Variants in SH2B2 observed in about 807,000 individuals in gnomAD.
SH2B2 encodes SH2B adaptor protein 2, also known as SH2B adapter protein 2.
SH2B2 carries 37 observed loss-of-function variants against 35.7 expected under a neutral mutation model. The observed-to-expected ratio is 1.04, with a 90% CI of 0.80 to 1.36. SH2B2 has a LOEUF of 1.36. SH2B2 is among the 40% of genes most tolerant of loss of function. SH2B2 has a pLI of 0.00. For missense variants in SH2B2, 852 were observed against 817.7 expected, an observed-to-expected ratio of 1.04 and a Z score of -0.51; for synonymous variants, 383 against 376.4, an observed-to-expected ratio of 1.02 and a Z score of -0.20.
chr7:102,317,544 A>G lies in SH2B2; in HGVS notation c.1395+149A>G, dbSNP rs138267017. 3.9e-3 allele frequency: 2,598 copies of G among 672,660 alleles called. 56 individuals are homozygous for G. In the African/African-American group the frequency reaches 0.043, roughly 11 times the overall value. The allele number at this position is 672,660 out of a possible 1,614,324, so 41.7% of individuals were successfully genotyped here. On this transcript the variant is annotated intron_variant, in intron 7 of 8. Coordinates refer to ENST00000444095, the MANE Select transcript of SH2B2 (RefSeq NM_001359228.2). ...CCCACGGGCCCCACTCACCCCAGCCATGCTCCGTGAGCCACCTGCGTCCCT... is the reference window on the plus strand; with the variant it reads ...CCCACGGGCCCCACTCACCCCAGCCGTGCTCCGTGAGCCACCTGCGTCCCT...
intron 2 of SH2B2, among the ~76,000 whole-genome samples, chr7:102,304,537 C>T (rs1437001226): frequency 2.6e-5 from 4 of 152,248 alleles, no homozygotes; most frequent in Non-Finnish European, 1.5e-5. Flanking sequence ...CACCCTGGAA[C>T]AGCACTTTTG....
intron 1 of SH2B2, among the ~76,000 whole-genome samples, chr7:102,288,004 A>T (rs1190683692): frequency 6.6e-6 from 1 of 152,066 alleles, no homozygotes; most frequent in African/African-American, 2.4e-5. Flanking sequence ...AGCCCTACCA[A>T]TGCCCCCGAG....
chr7:102,314,256 A>G, intron 4 of SH2B2, 80 bp from the exon 5 acceptor site: 1 of 398,428 alleles, frequency 2.5e-6, no homozygotes, highest in Non-Finnish European at 4.4e-6. Context: ...ACTGCCAGCC[A>G]CTGCCTGGCC....
Position 102,320,432 on chromosome 7 carries a change from C to T in SH2B2, c.1497C>T (p.Ile499=), listed in dbSNP as rs781939996. The part of the protein sequence containing the change: ...DMLRHFHTHP[I]PLESGGSADI... ...TCCGCCACTTCCACACACACCCCATCCCACTGGAGTCAGGGGGCTCGGCCG... is the reference window on the plus strand; with the variant it reads ...TCCGCCACTTCCACACACACCCCATTCCACTGGAGTCAGGGGGCTCGGCCG... Residue 499 remains isoleucine, a synonymous_variant, in exon 8 of 9, where the codon ATC becomes ATT. Coordinates refer to ENST00000444095, the MANE Select transcript of SH2B2 (RefSeq NM_001359228.2). 1.7e-5 allele frequency: 28 copies of T among 1,613,790 alleles called. No homozygotes were observed. In the South Asian group the frequency reaches 3.1e-4, roughly 18 times the overall value.
intron 3 of SH2B2, among the ~76,000 whole-genome samples, chr7:102,307,249 G>C (rs917607025): frequency 6.6e-6 from 1 of 152,234 alleles, no homozygotes; most frequent in Admixed American, 6.5e-5. Flanking sequence ...GGCATCAAGG[G>C]GGGGCGGGGA....
At chr7:102,286,835 G>A (rs1271716934), upstream of SH2B2, 5 of 71,804 alleles carry the variant, frequency 7.0e-5, no homozygotes, top group African/African-American at 2.8e-4. Context: ...GCGGGGCGGG[G>A]CCGGGAGGCG....
chr7:102,315,743 A>AG (rs1425346455), intron 6 of SH2B2, among the ~76,000 whole-genome samples: 2 of 108,402 alleles, frequency 1.8e-5, no homozygotes, highest in African/African-American at 7.0e-5. Flanking sequence ...CCCTGTGAAA[A>AG]GAAAAAAAAA....
intron 7 of SH2B2, among the ~76,000 whole-genome samples, chr7:102,317,653 G>T (rs1195918942): frequency 6.6e-6 from 1 of 152,212 alleles, no homozygotes; most frequent in East Asian, 1.9e-4. Context: ...TGGCGGCTGA[G>T]CCCTCAGGAG....
rs1313293113 is a variant in SH2B2, at chr7:102,321,408, G to A, written c.1677G>A (p.Ser559=). 4 of 1,346,610 alleles carry A rather than the reference G, an allele frequency of 3.0e-6. No homozygotes were observed. The highest frequency in any genetic ancestry group is 1.7e-5 in the South Asian group (1 of 60,020). The allele number at this position is 1,346,610 out of a possible 1,614,324, so 83.4% of individuals were successfully genotyped here. ...SLAAAACPPA[S]PSDAAGASSS... ...CCGCGGCCGCCTGCCCGCCTGCCTC[G>A]CCCTCCGACGCCGCCGGCGCCTCCT... The change falls in exon 9 of 9, where the codon TCG becomes TCA. Residue 559 remains serine, a synonymous_variant. Transcript: ENST00000444095.
At chr7:102,306,902 G>A (rs1249077463) in intron 3 of SH2B2, 80 bp downstream of exon 3, 3 of 1,149,938 alleles carry the variant, frequency 2.6e-6, no homozygotes, top group Non-Finnish European at 3.8e-6. Context: ...CTCCCTAGGG[G>A]AGCGAGGGGA....
chr7:102,291,591 C>T (rs926907940), intron 1 of SH2B2, among the ~76,000 whole-genome samples: 8 of 152,104 alleles, frequency 5.3e-5, no homozygotes, highest in African/African-American at 1.7e-4. Context: ...AAGTTAAGAC[C>T]AGAAGCCATG....
At chr7:102,299,120 C>T (rs1482667567) in intron 1 of SH2B2, among the ~76,000 whole-genome samples, 1 of 148,266 alleles carries the variant, frequency 6.7e-6, no homozygotes, top group Non-Finnish European at 1.5e-5. Context: ...AGGATGGTCT[C>T]GATCTCCTGA....
At chr7:102,294,724 C>T (rs1281786305) in intron 1 of SH2B2, among the ~76,000 whole-genome samples, 1 of 152,158 alleles carries the variant, frequency 6.6e-6, no homozygotes, top group Non-Finnish European at 1.5e-5. Context: ...GTCTTGCAGC[C>T]TCCCCTCTAC....
intron 6 of SH2B2, chr7:102,316,954 G>T (rs1461112272): frequency 2.3e-6 from 1 of 427,684 alleles, no homozygotes; most frequent in Non-Finnish European, 4.2e-6. Context: ...GGAAGGCAGA[G>T]GTTACAGTCA....
chr7:102,314,463 T>G (rs933769893), intron 5 of SH2B2, 36 bp downstream of exon 5: 2 of 398,654 alleles, frequency 5.0e-6, no homozygotes, highest in Non-Finnish European at 8.8e-6. Context: ...AGGGGCACAC[T>G]CAGGGTGGAC....
intron 2 of SH2B2, among the ~76,000 whole-genome samples, chr7:102,305,505 A>G (rs2132979024): frequency 6.6e-6 from 1 of 152,234 alleles, no homozygotes; most frequent in Middle Eastern, 3.4e-3. Flanking sequence ...ACCTCAAGTC[A>G]TCCTCCTTGG....
At chr7:102,309,743 G>A (rs1422183925) in intron 4 of SH2B2, 2 of 156,200 alleles carry the variant, frequency 1.3e-5, no homozygotes, top group African/African-American at 4.8e-5. Flanking sequence ...TCAGGGAAGA[G>A]TTGCTGTTAG....
At chr7:102,320,257 A>G in intron 7 of SH2B2, 74 bp from the exon 8 acceptor site, 1 of 1,292,000 alleles carries the variant, frequency 7.7e-7, no homozygotes, top group Non-Finnish European at 1.1e-6. Context: ...TGGTCCTTCC[A>G]TCAACCCCCA....
chr7:102,288,861 T>C (rs552379827), intron 1 of SH2B2, among the ~76,000 whole-genome samples: 8 of 152,356 alleles, frequency 5.3e-5, no homozygotes, highest in Admixed American at 2.0e-4. Context: ...CACTCCTCTC[T>C]GACAAGAGGC....
Sources: allele counts gnomAD v4.1 joint callset (sites outside exome capture counted in the v4.1 genomes callset), GRCh38; gene constraint gnomAD v4.1.1; transcripts MANE v1.5; gene names NCBI Gene and HGNC (gene_info 2026-07-23, HGNC 2026-07-21).